Variants in CTNNA2 observed in about 807,000 individuals in gnomAD.
The protein encoded by CTNNA2 is catenin alpha-2.
Under a neutral mutation model 101.0 loss-of-function variants are expected in CTNNA2, and 42 were observed. The ratio of observed to expected loss-of-function variants is 0.42; its 90% CI spans 0.32 to 0.54. The LOEUF (loss-of-function observed/expected upper bound fraction) is 0.54, where lower values mean the gene tolerates loss of function less well. Ranked by LOEUF, CTNNA2 falls within the 20% of genes least tolerant of loss-of-function variation. The pLI is 0.14. For missense variants in CTNNA2, 871 were observed against 1,223.1 expected, an observed-to-expected ratio of 0.71 and a Z score of 4.29; for synonymous variants, 450 against 456.4, an observed-to-expected ratio of 0.99 and a Z score of 0.18.
chr2:80,608,123 A>G, intron 16 of CTNNA2, 61 bp from the exon 17 acceptor site: 1 of 1,499,528 alleles, frequency 6.7e-7, no homozygotes, highest in Non-Finnish European at 9.1e-7. Flanking sequence ...GCTTTTCTAT[A>G]ACAAATGTTA....
chr2:80,158,397 C>T (rs183404403), intron 7 of CTNNA2, among the ~76,000 whole-genome samples: 1 of 152,192 alleles, frequency 6.6e-6, no homozygotes, highest in Non-Finnish European at 1.5e-5. Flanking sequence ...ATGCTCTTTC[C>T]CTCGTTTCGC....
intron 7 of CTNNA2, among the ~76,000 whole-genome samples, chr2:80,077,310 A>G (rs1698824603): frequency 6.6e-6 from 1 of 152,206 alleles, no homozygotes; most frequent in Admixed American, 6.5e-5. Context: ...ATTTAGAATG[A>G]ATTATACATT....
intron 15 of CTNNA2, 115 bp downstream of exon 15, chr2:80,589,600 G>T: frequency 2.1e-6 from 2 of 939,046 alleles, no homozygotes; most frequent in African/African-American, 1.7e-5. Flanking sequence ...GCAAGGTGGT[G>T]GTATTATAAA....
chr2:80,584,567 A>G (rs916057530), intron 14 of CTNNA2, among the ~76,000 whole-genome samples: 4 of 151,964 alleles, frequency 2.6e-5, no homozygotes, highest in African/African-American at 7.2e-5. Context: ...AGTCTGGCAT[A>G]GTTAAAATAG....
intron 7 of CTNNA2, among the ~76,000 whole-genome samples, chr2:80,206,360 G>A (rs1707533167): frequency 1.3e-5 from 2 of 152,142 alleles, no homozygotes; most frequent in Non-Finnish European, 2.9e-5. Flanking sequence ...ACACACAGTG[G>A]GATTAGAACA....
rs535048166 is a variant in CTNNA2 at position 80,018,009 on chromosome 2, T to A, written c.1056+108212T>A. Among the ~76,000 whole-genome samples, 8 of 152,322 alleles carry A rather than the reference T, an allele frequency of 5.3e-5. No homozygotes were observed. In the East Asian group the frequency reaches 1.4e-3, roughly 26 times the overall value. Reference sequence around the variant, plus strand: ...AGTTTTAAAACATTATAAAATGTAATATTATAAAATTTAAGCAATTGTTAG... The same window carrying A: ...AGTTTTAAAACATTATAAAATGTAAAATTATAAAATTTAAGCAATTGTTAG... On this transcript the variant is annotated intron_variant, in intron 7 of 18. Coordinates refer to ENST00000402739, the MANE Select transcript of CTNNA2 (RefSeq NM_001282597.3).
intron 7 of CTNNA2, among the ~76,000 whole-genome samples, chr2:79,923,290 T>C (rs550955992): frequency 4.3e-4 from 65 of 152,164 alleles, no homozygotes; most frequent in Non-Finnish European, 7.4e-4. Flanking sequence ...CTAGTATATC[T>C]ACTTTTTCAT....
chr2:79,726,281 G>T (rs896758231), intron 2 of CTNNA2, among the ~76,000 whole-genome samples: 4 of 152,100 alleles, frequency 2.6e-5, no homozygotes, highest in Non-Finnish European at 5.9e-5. Context: ...TATTTCATTT[G>T]TACTATTATA....
intron 12 of CTNNA2, among the ~76,000 whole-genome samples, chr2:80,559,813 G>A (rs1430095857): frequency 2.0e-5 from 3 of 151,674 alleles, no homozygotes; most frequent in Admixed American, 6.6e-5. Flanking sequence ...CATAGATCTC[G>A]TTTACAAAGT....
chr2:79,895,737 G>A (rs1263975794), intron 6 of CTNNA2, among the ~76,000 whole-genome samples: 1 of 147,938 alleles, frequency 6.8e-6, no homozygotes, highest in Non-Finnish European at 1.5e-5. Context: ...CTATTTATGG[G>A]TATCGTAAGG....
At chr2:79,637,179 G>T (rs928209094) in intron 1 of CTNNA2, among the ~76,000 whole-genome samples, 4 of 152,076 alleles carry the variant, frequency 2.6e-5, no homozygotes, top group Non-Finnish European at 4.4e-5. Flanking sequence ...GATGGTGAAG[G>T]ATATATATAT....
chr2:80,544,770 T>G (rs1186771798), intron 9 of CTNNA2, among the ~76,000 whole-genome samples: 2 of 152,152 alleles, frequency 1.3e-5, no homozygotes, highest in East Asian at 3.9e-4. Context: ...TGTATATGCT[T>G]GAGAGTCGTG....
chr2:79,911,726 G>A (rs926418516), intron 7 of CTNNA2, among the ~76,000 whole-genome samples: 5 of 152,198 alleles, frequency 3.3e-5, no homozygotes, highest in Admixed American at 3.3e-4. Flanking sequence ...AAATGCACAA[G>A]TTCTATTCAC....
At chr2:79,591,622 G>A (rs1003542473) in intron 1 of CTNNA2, among the ~76,000 whole-genome samples, 11 of 152,164 alleles carry the variant, frequency 7.2e-5, no homozygotes, top group Non-Finnish European at 1.5e-4. Flanking sequence ...GCTGCTGGCT[G>A]GTGCTCAGGG....
intron 7 of CTNNA2, among the ~76,000 whole-genome samples, chr2:80,271,798 A>G (rs150868640): frequency 1.2e-3 from 183 of 152,334 alleles, no homozygotes; most frequent in African/African-American, 3.5e-3. Context: ...AGTGATAAAT[A>G]ACACAGGCAT....
intron 9 of CTNNA2, among the ~76,000 whole-genome samples, chr2:80,490,285 C>CCG (rs1553535562): frequency 1.2e-5 from 1 of 83,198 alleles, no homozygotes; most frequent in Admixed American, 1.8e-4. Flanking sequence ...CCCCCACCCC[C>CCG]CCCCCGGTAA....
chr2:80,246,010 G>A (rs191090270), intron 7 of CTNNA2, among the ~76,000 whole-genome samples: 15 of 151,832 alleles, frequency 9.9e-5, no homozygotes, highest in African/African-American at 2.9e-4. Flanking sequence ...TAGCCAGGAC[G>A]GTCTCGATCT....
intron 7 of CTNNA2, among the ~76,000 whole-genome samples, chr2:80,374,653 A>G (rs1253018317): frequency 6.7e-6 from 1 of 149,660 alleles, no homozygotes; most frequent in African/African-American, 2.5e-5. Context: ...TTCGGCCCTC[A>G]CACTGTCTTT....
intron 4 of CTNNA2, among the ~76,000 whole-genome samples, chr2:79,443,106 C>G (rs1041683325): frequency 3.3e-5 from 5 of 152,008 alleles, no homozygotes; most frequent in Non-Finnish European, 7.4e-5. Context: ...TCACAATTCT[C>G]CAGAGAAACA....
Sources: allele counts gnomAD v4.1 joint callset (sites outside exome capture counted in the v4.1 genomes callset), GRCh38; gene constraint gnomAD v4.1.1; transcripts MANE v1.5; gene names NCBI Gene and HGNC (gene_info 2026-07-23, HGNC 2026-07-21).